Variants in ARHGAP21 observed in about 807,000 individuals in gnomAD.
ARHGAP21 encodes the protein Rho GTPase activating protein 21.
Under a neutral mutation model 164.6 loss-of-function variants are expected in ARHGAP21, and 38 were observed. That is an observed-to-expected ratio of 0.23 (90% CI 0.18 to 0.30). The LOEUF (loss-of-function observed/expected upper bound fraction) is 0.30. ARHGAP21 is among the 10% of genes least tolerant of loss of function. The pLI is 1.00. For synonymous variants in ARHGAP21, 766 were observed against 857.9 expected, an observed-to-expected ratio of 0.89 and a Z score of 1.87; for missense variants, 1,822 against 2,370.7, an observed-to-expected ratio of 0.77 and a Z score of 4.81.
At chr10:24,688,617 G>A (rs1377180782) in intron 2 of ARHGAP21, among the ~76,000 whole-genome samples, 2 of 152,186 alleles carry the variant, frequency 1.3e-5, no homozygotes, top group Non-Finnish European at 1.5e-5. Flanking sequence ...TTTCACATGT[G>A]TAAAAATATA....
At chr10:24,704,218 G>A (rs1843985867) in intron 2 of ARHGAP21, among the ~76,000 whole-genome samples, 1 of 151,894 alleles carries the variant, frequency 6.6e-6, no homozygotes, top group South Asian at 2.1e-4. Context: ...TACTTTAAGT[G>A]GTGACACAGA....
intron 11 of ARHGAP21, among the ~76,000 whole-genome samples, chr10:24,606,154 G>C (rs1310494801): frequency 1.3e-5 from 2 of 152,008 alleles, no homozygotes; most frequent in Non-Finnish European, 2.9e-5. Context: ...TTCTGGAGTA[G>C]TGACAGAATT....
chr10:24,617,329 TTATG>T (rs763428959), intron 9 of ARHGAP21, among the ~76,000 whole-genome samples: 151 of 152,292 alleles, frequency 9.9e-4, no homozygotes, highest in Non-Finnish European at 1.5e-3. Flanking sequence ...ATTGTTGTTA[TTATG>T]TAGGAAGAAA....
intron 4 of ARHGAP21, chr10:24,648,918 A>G (rs1413865118): frequency 3.2e-6 from 3 of 942,144 alleles, no homozygotes; most frequent in Admixed American, 1.2e-4. Context: ...CTCCTTTCCC[A>G]TATTTTCCCA....
intron 4 of ARHGAP21, among the ~76,000 whole-genome samples, chr10:24,638,559 TC>T (rs1184696100): frequency 6.6e-6 from 1 of 152,194 alleles, no homozygotes; most frequent in East Asian, 1.9e-4. Context: ...ACTCCTTACT[TC>T]CCTGTATGAT....
At position 24,591,484 on chromosome 10, in the gene ARHGAP21, C is replaced by T. The variant is rs3827854; in HGVS notation, c.4045-154G>A. ...GCATAATTAACTGCAAAATAAGCACCGTACTTGTATATTCATTAGATCAGA... is the reference window on the plus strand; with the variant it reads ...GCATAATTAACTGCAAAATAAGCACTGTACTTGTATATTCATTAGATCAGA... On this transcript the variant is annotated intron_variant, in intron 23 of 25. Coordinates refer to ENST00000396432, the MANE Select transcript of ARHGAP21 (RefSeq NM_020824.4). 7,918 of 1,122,070 alleles carry T rather than the reference C, an allele frequency of 7.1e-3. 326 individuals are homozygous for T. In the Admixed American group the frequency reaches 0.096, roughly 14 times the overall value. 69.5% of individuals were successfully genotyped at this position (1,122,070 alleles called of 1,614,324 possible).
At chr10:24,686,535 T>C (rs1012825587) in intron 2 of ARHGAP21, among the ~76,000 whole-genome samples, 1 of 152,162 alleles carries the variant, frequency 6.6e-6, no homozygotes, top group African/African-American at 2.4e-5. Flanking sequence ...ATACAGCTCC[T>C]AAAGTCATGA....
intron 4 of ARHGAP21, among the ~76,000 whole-genome samples, chr10:24,662,321 T>C (rs1839779248): frequency 6.6e-6 from 1 of 152,150 alleles, no homozygotes; most frequent in South Asian, 2.1e-4. Context: ...TTAACAGAAG[T>C]AAGAGGGCAG....
At chr10:24,694,966 A>C (rs1593314340) in intron 2 of ARHGAP21, among the ~76,000 whole-genome samples, 1 of 147,474 alleles carries the variant, frequency 6.8e-6, no homozygotes, top group South Asian at 2.3e-4. Flanking sequence ...CAGGAGAATC[A>C]CTTGAACCTG....
At chr10:24,689,764 G>A (rs1336836670) in intron 2 of ARHGAP21, among the ~76,000 whole-genome samples, 1 of 150,952 alleles carries the variant, frequency 6.6e-6, no homozygotes, top group Non-Finnish European at 1.5e-5. Flanking sequence ...ATATCTATAT[G>A]TATGTATATA....
intron 13 of ARHGAP21, among the ~76,000 whole-genome samples, chr10:24,601,678 T>G (rs1310638540): frequency 1.3e-5 from 2 of 152,166 alleles, no homozygotes; most frequent in Non-Finnish European, 2.9e-5. Flanking sequence ...CCATTGCTAA[T>G]AAACTAATAA....
chr10:24,648,234 G>A (rs1212291380), intron 4 of ARHGAP21, among the ~76,000 whole-genome samples: 12 of 152,204 alleles, frequency 7.9e-5, no homozygotes, highest in Non-Finnish European at 2.9e-5. Flanking sequence ...AGGTACGTCA[G>A]GAGGAAGAAA....
chr10:24,718,168 G>C (rs868624529), intron 2 of ARHGAP21, among the ~76,000 whole-genome samples: 1 of 152,314 alleles, frequency 6.6e-6, no homozygotes, highest in African/African-American at 2.4e-5. Context: ...TGACGAGACG[G>C]AAGAGTGAGA....
chr10:24,605,837 T>C (rs1229166706), intron 11 of ARHGAP21: 4 of 152,106 alleles, frequency 2.6e-5, no homozygotes, highest in African/African-American at 2.4e-5. Context: ...AAACATAAAA[T>C]AATAGCCTTA....
intron 9 of ARHGAP21, among the ~76,000 whole-genome samples, chr10:24,615,219 T>C (rs1412115840): frequency 1.3e-5 from 2 of 152,150 alleles, no homozygotes; most frequent in East Asian, 1.9e-4. Flanking sequence ...CTAATGCTAC[T>C]ATCAAAGAAA....
At chr10:24,625,686 A>G (rs1455503722) in intron 7 of ARHGAP21, among the ~76,000 whole-genome samples, 4 of 152,226 alleles carry the variant, frequency 2.6e-5, no homozygotes, top group Non-Finnish European at 5.9e-5. Context: ...GACCACCTAC[A>G]TGTACACTTG....
chr10:24,598,189 C>T (rs1283921412), intron 14 of ARHGAP21, among the ~76,000 whole-genome samples, 180 bp from the exon 15 acceptor site: 1 of 152,118 alleles, frequency 6.6e-6, no homozygotes, highest in African/African-American at 2.4e-5. Context: ...TTTCCAAGTG[C>T]CTCCCAACAT....
chr10:24,695,902 T>C (rs888165499), intron 2 of ARHGAP21, among the ~76,000 whole-genome samples: 2 of 152,182 alleles, frequency 1.3e-5, no homozygotes, highest in Non-Finnish European at 2.9e-5. Flanking sequence ...TTCTGGCTGA[T>C]GCCATGATGA....
chr10:24,656,413 C>T (rs1408314581), intron 4 of ARHGAP21, among the ~76,000 whole-genome samples: 3 of 92,282 alleles, frequency 3.3e-5, no homozygotes, highest in Non-Finnish European at 6.7e-5. Context: ...CTCCGCCCGG[C>T]CAGCCGCCCC....
Sources: gnomAD v4.1 joint callset for allele counts (sites outside exome capture counted in the v4.1 genomes callset) on GRCh38, gnomAD v4.1.1 for gene constraint, MANE v1.5 for transcripts, NCBI Gene and HGNC (gene_info 2026-07-23, HGNC 2026-07-21) for gene names.